The following POLE variants were observed in gnomAD, a reference collection of about 807,000 sequenced individuals.
POLE encodes the protein DNA polymerase epsilon catalytic subunit A.
POLE carries 188 observed loss-of-function variants against 279.2 expected under a neutral mutation model. The observed-to-expected ratio is 0.67, with a 90% CI of 0.60 to 0.76. The LOEUF (loss-of-function observed/expected upper bound fraction) is 0.76, where lower values mean the gene tolerates loss of function less well. Among genes scored for constraint, POLE ranks in the 30% least tolerant of loss-of-function variants. The pLI is 0.00. For missense variants in POLE, 2,703 were observed against 3,016.7 expected (o/e 0.90, Z 2.44); for synonymous variants, 1,214 against 1,172.5 (o/e 1.04, Z -0.72).
intron 1 of POLE, among the ~76,000 whole-genome samples, chr12:132,682,303 AATAAAT>A (rs2043186031): frequency 2.1e-5 from 2 of 94,314 alleles, no homozygotes; most frequent in Admixed American, 1.1e-4. Flanking sequence ...AAAAAAAAAA[AATAAAT>A]AAAAATAAAT....
intron 4 of POLE, 57 bp from the exon 5 acceptor site, chr12:132,680,103 C>A: frequency 6.3e-7 from 1 of 1,593,740 alleles, no homozygotes; most frequent in South Asian, 1.1e-5. Context: ...TCCTTCCTTG[C>A]CTATTTCCCA....
chr12:132,642,769 C>A, intron 36 of POLE, 40 bp from the exon 37 acceptor site: 1 of 1,613,260 alleles, frequency 6.2e-7, no homozygotes, highest in Non-Finnish European at 8.5e-7. Flanking sequence ...CTGGGTGGAC[C>A]CAGCCTCAAA....
intron 29 of POLE, among the ~76,000 whole-genome samples, 157 bp from the exon 30 acceptor site, chr12:132,650,046 A>T (rs2042388288): frequency 6.6e-6 from 1 of 152,098 alleles, no homozygotes; most frequent in Admixed American, 6.5e-5. Context: ...CTGTCTCTAC[A>T]AAATATATTA....
intron 39 of POLE, among the ~76,000 whole-genome samples, chr12:132,640,651 G>A (rs2042122725): frequency 6.6e-6 from 1 of 152,256 alleles, no homozygotes; most frequent in Non-Finnish European, 1.5e-5. Context: ...TCACCCTACT[G>A]AAGAAGCGGG....
chr12:132,655,341 T>C (rs1304550668), intron 29 of POLE, among the ~76,000 whole-genome samples: 2 of 152,132 alleles, frequency 1.3e-5, no homozygotes, highest in Non-Finnish European at 2.9e-5. Flanking sequence ...TTTCCAAACA[T>C]GGTCTGTATT....
Position 132,642,883 on chromosome 12 carries a change from A to C in POLE, c.4665T>G (p.Val1555=), listed in dbSNP as rs1213165865. The change falls in exon 36 of 49, where the codon GTT becomes GTG. Residue 1555 remains valine, a synonymous_variant. Transcript: ENST00000320574. ...TGGTCTTCAGGTCAGTTTCTGCCCG[A>C]ACTTCGAAGGTGTGTTTGGGGGGTG... is the stretch of plus-strand genomic sequence containing the variant. ...LLPPPKHTFE[V]RAETDLKTIC... The C allele has an allele frequency of 1.2e-6, 2 of 1,613,732 alleles. No homozygotes were observed. The highest frequency in any genetic ancestry group is 1.7e-6 in the Non-Finnish European group (2 of 1,179,950).
chr12:132,630,336 C>T (rs1439545752), intron 45 of POLE, among the ~76,000 whole-genome samples: 2 of 152,268 alleles, frequency 1.3e-5, no homozygotes, highest in East Asian at 1.9e-4. Flanking sequence ...TCAGATATCC[C>T]ATGCAGAAAT....
rs555282683 is a variant in POLE, at chr12:132,639,073, G to A, written c.5552+52C>T. ...ATGTCTCTGGTTCTGGGGAGTAAGG[G>A]ACCAGCCCAGCTGAGGACGCGGTGG... On this transcript the variant is annotated intron_variant, in intron 40 of 48. Transcript: ENST00000320574. The surrounding 1 kb of genome is among the most constrained non-coding windows in gnomAD (Gnocchi z 4.7). 3.3e-6 allele frequency: 5 copies of A among 1,535,158 alleles called. 1 individual carries two copies. In the South Asian group the frequency reaches 5.7e-5, roughly 17 times the overall value.
chr12:132,649,027 C>T lies in POLE; in HGVS notation c.4051G>A (p.Val1351Ile), dbSNP rs138443282. The T allele has an allele frequency of 3.8e-5, 62 of 1,613,754 alleles. 1 individual carries two copies. The highest frequency in any genetic ancestry group is 3.7e-4 in the South Asian group (34 of 91,084). Reference protein sequence around the residue: ...QAGLFRLWALVGSDLHCIRLS... With the variant: ...QAGLFRLWALIGSDLHCIRLS... ...CTGATGCAGTGCAAGTCACTGCCAA[C>T]GAGCGCCCACAGCCTGAACAGGCCG... is the stretch of plus-strand genomic sequence containing the variant. Residue 1351 changes from valine to isoleucine, a missense_variant, in exon 32 of 49, where the codon GTT becomes ATT. Physicochemically the swap from Val to Ile is conservative, Grantham distance 29. Transcript: ENST00000320574.
intron 29 of POLE, among the ~76,000 whole-genome samples, chr12:132,655,525 A>G (rs1045202536): frequency 6.6e-6 from 1 of 152,138 alleles, no homozygotes; most frequent in Non-Finnish European, 1.5e-5. Context: ...TTCCAAACAT[A>G]TTTTTGCTGA....
chr12:132,658,923 T>TTTTTAAGTTTTA (rs1479317700), intron 26 of POLE, among the ~76,000 whole-genome samples: 1 of 133,456 alleles, frequency 7.5e-6, no homozygotes, highest in African/African-American at 2.6e-5. Flanking sequence ...AGTTTCCATG[T>TTTTTAAGTTTTA]TTTTAAGTTT....
Position 132,664,512 on chromosome 12 carries a change from G to A in POLE, c.2469-50C>T. 1.4e-6 allele frequency: 2 copies of A among 1,412,182 alleles called. No individual in the cohort carries two copies. Among genetic ancestry groups the A allele is most frequent in the African/African-American group, 1.4e-5 (1 of 71,152 alleles). The allele number at this position is 1,412,182 out of a possible 1,614,324, so 87.5% of individuals were successfully genotyped here. A position where few individuals can be genotyped will look rare whatever the true frequency, so the allele number is the denominator to read the frequency against. ...GGTGGGGCTGGCATGGCTCCTCCAG[G>A]GGGTATCAGAGGCAGTGAGGAGTAG... On this transcript the variant is annotated intron_variant, in intron 21 of 48. Coordinates refer to ENST00000320574, the MANE Select transcript of POLE (RefSeq NM_006231.4). The surrounding 1 kb of genome is among the most constrained non-coding windows in gnomAD (Gnocchi z 5.3).
chr12:132,671,262 CAAAAAAAAAAAA>C lies in POLE; in HGVS notation c.1794+941_1794+952del, dbSNP rs397850854. Among the ~76,000 whole-genome samples the C allele has an allele frequency of 6.0e-3, 385 of 64,502 alleles. 19 individuals carry two copies. The highest frequency in any genetic ancestry group is 0.024 in the African/African-American group (356 of 15,118). 42.3% of individuals were successfully genotyped at this position (64,502 alleles called of 152,430 possible). ...TGGGTGACAGAGCAAGACTCCGTCT[CAAAAAAAAAAAA>C]AAAAAAAAAAAAAGTTTCTTGGCAT... On this transcript the variant is annotated intron_variant, in intron 16 of 48. Coordinates refer to ENST00000320574, the MANE Select transcript of POLE (RefSeq NM_006231.4).
rs2135974178 is a variant in POLE, at chr12:132,668,331, G to A, written c.2173+25C>T. ...TGGGAGCAGGAGCCACATCTTTACA[G>A]CCGTGACCATGCCCAGGCACTCACC... On this transcript the variant is annotated intron_variant, in intron 19 of 48. Coordinates refer to ENST00000320574, the MANE Select transcript of POLE (RefSeq NM_006231.4). This position sits in a 1 kb window ranked among gnomAD's most constrained non-coding sequence, Gnocchi z 4.0. The A allele has an allele frequency of 6.5e-7, 1 of 1,543,748 alleles. No individual in the cohort carries two copies.
Position 132,675,965 on chromosome 12 carries a change from G to A in POLE, c.1020+129C>T, listed in dbSNP as rs76729957. 5.6e-4 allele frequency: 526 copies of A among 933,206 alleles called. No homozygotes were observed. The highest frequency in any genetic ancestry group is 8.8e-4 in the Middle Eastern group (4 of 4,560). 57.8% of individuals were successfully genotyped at this position (933,206 alleles called of 1,614,324 possible). A position where few individuals can be genotyped will look rare whatever the true frequency, so the allele number is the denominator to read the frequency against. ...TCCGCCCGTCTCTGGCAGAAAAGAC[G>A]GTCATACCCTGAGAACAAAGCTCAT... On this transcript the variant is annotated intron_variant, in intron 10 of 48. Transcript: ENST00000320574. This position sits in a 1 kb window ranked among gnomAD's most constrained non-coding sequence, Gnocchi z 4.3.
At position 132,661,212 on chromosome 12, in the gene POLE, G is replaced by A. The variant is rs2135946963; in HGVS notation, c.2865-48C>T. On this transcript the variant is annotated intron_variant, in intron 24 of 48. Transcript: ENST00000320574. This position sits in a 1 kb window ranked among gnomAD's most constrained non-coding sequence, Gnocchi z 4.1. Reference sequence around the variant, plus strand: ...GCACAGCAGTGGCAAGGAGCGCTGGGGAGCCACCAGCTGTGCCTCATCCTC... The same window carrying A: ...GCACAGCAGTGGCAAGGAGCGCTGGAGAGCCACCAGCTGTGCCTCATCCTC... 6.7e-7 allele frequency: 1 copy of A among 1,503,098 alleles called. No homozygotes were observed. Among genetic ancestry groups the A allele is most frequent in the Non-Finnish European group, 9.0e-7 (1 of 1,114,564 alleles). The allele number at this position is 1,503,098 out of a possible 1,614,324, so 93.1% of individuals were successfully genotyped here.
intron 29 of POLE, among the ~76,000 whole-genome samples, chr12:132,653,912 T>C (rs992331215): frequency 5.9e-5 from 9 of 152,258 alleles, no homozygotes; most frequent in African/African-American, 2.2e-4. Context: ...CTGCATCTAT[T>C]GGAGATGATC....
chr12:132,662,313 G>A (rs778210301), intron 23 of POLE, among the ~76,000 whole-genome samples: 9 of 152,344 alleles, frequency 5.9e-5, no homozygotes, highest in Admixed American at 1.3e-4. Context: ...CTGTACAGTG[G>A]CTGGTGAAAT....
At position 132,638,059 on chromosome 12, in the gene POLE, C is replaced by G. The variant is rs374022997; in HGVS notation, c.5633G>C (p.Arg1878Pro). ...FNRIILCTKKRRVEDAIAYVE... is the reference protein window; with the variant it reads ...FNRIILCTKKPRVEDAIAYVE... ...GTAAGCGATGGCATCTTCCACACGG[C>G]GCTTCTTTGTACAGAGGATGATGCG... The change falls in exon 41 of 49, where the codon CGC becomes CCC. Residue 1878 changes from arginine to proline, a missense_variant. Around this residue, in one of 5 missense-constraint regions of POLE, gnomAD observed 1,551 missense variants for 1,686.1 expected, o/e 0.92. Transcript: ENST00000320574. 3.7e-6 allele frequency: 6 copies of G among 1,614,038 alleles called. No individual in the cohort carries two copies. The highest frequency in any genetic ancestry group is 1.1e-5 in the South Asian group (1 of 91,074).
Sources: allele counts gnomAD v4.1 joint callset (sites outside exome capture counted in the v4.1 genomes callset), GRCh38; gene constraint gnomAD v4.1.1; regional missense constraint gnomAD v4.1.1; non-coding constraint Gnocchi (gnomAD v3.1); transcripts MANE v1.5; gene names NCBI Gene and HGNC (gene_info 2026-07-23, HGNC 2026-07-21).